The following LRRTM4 variants were observed in gnomAD, a reference collection of about 807,000 sequenced individuals.
LRRTM4 encodes leucine-rich repeat transmembrane neuronal protein 4.
Under a neutral mutation model 47.6 loss-of-function variants are expected in LRRTM4, and 25 were observed. The ratio of observed to expected loss-of-function variants is 0.53; its 90% confidence interval spans 0.38 to 0.73. The LOEUF (loss-of-function observed/expected upper bound fraction) is 0.73. Ranked by LOEUF, LRRTM4 falls within the 30% of genes least tolerant of loss-of-function variation. LRRTM4 has a pLI of 0.00. For synonymous variants in LRRTM4, 311 were observed against 269.5 expected (o/e 1.15, Z -1.51); for missense variants, 638 against 713.4 (o/e 0.89, Z 1.20).
intron 3 of LRRTM4, among the ~76,000 whole-genome samples, chr2:77,514,844 C>T (rs1217415236): frequency 6.6e-6 from 1 of 151,928 alleles, no homozygotes; most frequent in East Asian, 1.9e-4. Flanking sequence ...ACTAGATATT[C>T]AAAACTTTGT....
intron 3 of LRRTM4, among the ~76,000 whole-genome samples, chr2:77,357,534 T>C (rs1052249467): frequency 2.6e-5 from 4 of 152,168 alleles, no homozygotes; most frequent in South Asian, 2.1e-4. Context: ...AATCTTCCCA[T>C]GGGTTATGCA....
chr2:77,112,636 T>A, intron 3 of LRRTM4, among the ~76,000 whole-genome samples: 1 of 152,058 alleles, frequency 6.6e-6, no homozygotes, highest in East Asian at 1.9e-4. Flanking sequence ...TAATAAGCTT[T>A]TTTTTTTGAG....
chr2:77,131,168 G>T (rs957636432), intron 3 of LRRTM4, among the ~76,000 whole-genome samples: 1 of 152,052 alleles, frequency 6.6e-6, no homozygotes, highest in Non-Finnish European at 1.5e-5. Context: ...ATTTTCGTAC[G>T]TATAACACAA....
chr2:77,061,995 A>G (rs969089380), intron 3 of LRRTM4, among the ~76,000 whole-genome samples: 25 of 152,204 alleles, frequency 1.6e-4, no homozygotes, highest in Non-Finnish European at 2.6e-4. Context: ...GACCTTATAA[A>G]GTACAGTACG....
intron 3 of LRRTM4, among the ~76,000 whole-genome samples, chr2:77,326,799 G>A (rs1413770271): frequency 6.6e-6 from 1 of 152,158 alleles, no homozygotes; most frequent in Non-Finnish European, 1.5e-5. Context: ...TGAATGGAAA[G>A]ACAACGTGTT....
chr2:77,094,419 G>GA (rs952691527), intron 3 of LRRTM4, among the ~76,000 whole-genome samples: 7 of 151,566 alleles, frequency 4.6e-5, no homozygotes, highest in African/African-American at 1.5e-4. Flanking sequence ...TAGAGAAATA[G>GA]AAAAAAAATC....
intron 3 of LRRTM4, among the ~76,000 whole-genome samples, chr2:77,266,639 C>T (rs1474250567): frequency 6.6e-6 from 1 of 152,010 alleles, no homozygotes; most frequent in Non-Finnish European, 1.5e-5. Context: ...CACCAATCAC[C>T]TGAGACAGTG....
chr2:76,982,253 C>T (rs6547107), intron 3 of LRRTM4, among the ~76,000 whole-genome samples: 50,812 of 151,722 alleles, frequency 0.33, 9,154 homozygotes, highest in East Asian at 0.55. Context: ...AAACCCTCAG[C>T]AGAAAAATCA....
chr2:77,004,813 A>T (rs953778316), intron 3 of LRRTM4, among the ~76,000 whole-genome samples: 1 of 152,160 alleles, frequency 6.6e-6, no homozygotes, highest in Non-Finnish European at 1.5e-5. Flanking sequence ...AGGTCGTGAA[A>T]ATCCACATCT....
chr2:77,341,732 T>A (rs936026942), intron 3 of LRRTM4, among the ~76,000 whole-genome samples: 5 of 151,976 alleles, frequency 3.3e-5, no homozygotes, highest in African/African-American at 1.2e-4. Context: ...AACTAGGAAG[T>A]TTATATTGAG....
At chr2:77,041,080 T>G (rs1027223168) in intron 3 of LRRTM4, among the ~76,000 whole-genome samples, 1 of 151,452 alleles carries the variant, frequency 6.6e-6, no homozygotes, top group Non-Finnish European at 1.5e-5. Context: ...ACACCCTTCC[T>G]CCTTATACTT....
intron 3 of LRRTM4, among the ~76,000 whole-genome samples, chr2:77,511,205 C>T (rs1400741593): frequency 6.6e-6 from 1 of 151,996 alleles, no homozygotes; most frequent in Non-Finnish European, 1.5e-5. Flanking sequence ...CATGTATCTT[C>T]CACAAATATT....
chr2:76,860,119 G>A (rs1054210912), intron 3 of LRRTM4, among the ~76,000 whole-genome samples: 1 of 152,084 alleles, frequency 6.6e-6, no homozygotes, highest in Non-Finnish European at 1.5e-5. Context: ...ACGTACAAGA[G>A]TTGAATAGTA....
At chr2:77,379,283 AT>A (rs1025670354) in intron 3 of LRRTM4, among the ~76,000 whole-genome samples, 6 of 151,682 alleles carry the variant, frequency 4.0e-5, no homozygotes, top group African/African-American at 7.3e-5. Context: ...TTTATTAACG[AT>A]TTTTTCCCCC....
At chr2:77,161,516 C>A (rs542295591) in intron 3 of LRRTM4, among the ~76,000 whole-genome samples, 30 of 152,272 alleles carry the variant, frequency 2.0e-4, no homozygotes, top group Middle Eastern at 3.4e-3. Flanking sequence ...TTGGCTCTAT[C>A]TTGGCAGCAG....
intron 3 of LRRTM4, among the ~76,000 whole-genome samples, chr2:76,835,684 A>T (rs996521261): frequency 6.6e-6 from 1 of 152,064 alleles, no homozygotes; most frequent in Non-Finnish European, 1.5e-5. Flanking sequence ...TGGTAACTTG[A>T]CTATTTGCAC....
intron 3 of LRRTM4, among the ~76,000 whole-genome samples, chr2:77,169,965 A>G (rs1672999669): frequency 6.6e-6 from 1 of 152,148 alleles, no homozygotes; most frequent in Non-Finnish European, 1.5e-5. Flanking sequence ...TCTGTTTGCA[A>G]CTTTGAACTT....
rs972901087 is a variant in LRRTM4 at position 77,066,576 on chromosome 2, G to C, written c.1552-317660C>G. Among the ~76,000 whole-genome samples, 15 of 152,160 alleles carry C rather than the reference G, an allele frequency of 9.9e-5. 1 individual carries two copies. The highest frequency in any genetic ancestry group is 3.3e-4 in the Admixed American group (5 of 15,268). On this transcript the variant is annotated intron_variant, in intron 3 of 3. Transcript: ENST00000409884. ...AGTTCAACAGTTTCCCTTTATTGGA[G>C]AGCATCTACTATAATAAAATGCCAA... is the stretch of plus-strand genomic sequence containing the variant.
At chr2:77,287,284 G>C (rs1212818295) in intron 3 of LRRTM4, among the ~76,000 whole-genome samples, 1 of 152,004 alleles carries the variant, frequency 6.6e-6, no homozygotes, top group Admixed American at 6.6e-5. Flanking sequence ...TTAGAGAATG[G>C]AGCAAGGCAT....
Sources: allele counts gnomAD v4.1 joint callset (sites outside exome capture counted in the v4.1 genomes callset), GRCh38; gene constraint gnomAD v4.1.1; transcripts MANE v1.5; gene names NCBI Gene and HGNC (gene_info 2026-07-23, HGNC 2026-07-21).